PGPEP1: variants seen among roughly 807,000 people sequenced by gnomAD.
PGPEP1 encodes the protein pyroglutamyl-peptidase I, also known as pyroglutamyl-peptidase 1.
A neutral mutation model predicts 24.1 loss-of-function variants in PGPEP1; 15 were observed. The ratio of observed to expected loss-of-function variants is 0.62; its 90% CI spans 0.42 to 0.96. The LOEUF is 0.96. Among genes scored for constraint, PGPEP1 ranks in the 40% least tolerant of loss-of-function variants. The pLI is 0.00. For synonymous variants in PGPEP1, 122 were observed against 116.4 expected (o/e 1.05, Z -0.31); for missense variants, 242 against 273.4 (o/e 0.89, Z 0.81).
chr19:18,342,164 C>A (rs1358424874), intron 1 of PGPEP1, among the ~76,000 whole-genome samples: 1 of 152,186 alleles, frequency 6.6e-6, no homozygotes, highest in East Asian at 1.9e-4. Context: ...CCGCCTTGGC[C>A]TCCCAAAGTG....
chr19:18,362,807 G>A (rs1422873185), intron 4 of PGPEP1, among the ~76,000 whole-genome samples: 1 of 151,284 alleles, frequency 6.6e-6, no homozygotes, highest in African/African-American at 2.4e-5. Flanking sequence ...TAGGAGGATC[G>A]CTGGAGGCCA....
intron 2 of PGPEP1, among the ~76,000 whole-genome samples, chr19:18,347,912 A>C (rs1397087684): frequency 6.6e-6 from 1 of 152,120 alleles, no homozygotes; most frequent in East Asian, 1.9e-4. Flanking sequence ...GATTACAGGC[A>C]TGAGCCACCG....
Position 18,342,924 on chromosome 19 carries a change from C to G in PGPEP1, c.87+13C>G. ...GATTGCAGTTCAGGTAACTTAGATC[C>G]GGAGGGTGGGAGTCAGGCTTGGAGC... On this transcript the variant is annotated intron_variant, in intron 2 of 4. Transcript: ENST00000269919. 1 of 1,607,584 alleles carries G rather than the reference C, an allele frequency of 6.2e-7. No homozygotes were observed. The highest frequency in any genetic ancestry group is 8.5e-7 in the Non-Finnish European group (1 of 1,174,202).
intron 2 of PGPEP1, among the ~76,000 whole-genome samples, chr19:18,346,707 C>T (rs1281364305): frequency 7.6e-6 from 1 of 131,278 alleles, no homozygotes; most frequent in Non-Finnish European, 1.6e-5. Context: ...ATGGCACAAT[C>T]TCAGCTCACC....
chr19:18,360,312 T>C (rs1441166230), intron 4 of PGPEP1, among the ~76,000 whole-genome samples: 1 of 152,034 alleles, frequency 6.6e-6, no homozygotes, highest in African/African-American at 2.4e-5. Context: ...CTGAGTTCTT[T>C]TTAAAGCTAA....
At position 18,364,116 on chromosome 19, in the gene PGPEP1, C is replaced by CTTTCTTTCTTTCTTTT; in HGVS notation, c.*547_*548insTTTTTCTTTCTTTCTT. ...TCTTTCTTTCTTTCTTTCTTTCTTG[C>CTTTCTTTCTTTCTTTT]TTTCTTTCTTTCTTGCTTTCTTTCT... On this transcript the variant is annotated 3_prime_UTR_variant, in exon 5 of 5. Transcript: ENST00000269919. 1.9e-5 allele frequency: 2 copies of CTTTCTTTCTTTCTTTT among 106,472 alleles called. No individual in the cohort carries two copies. Among genetic ancestry groups the CTTTCTTTCTTTCTTTT allele is most frequent in the Admixed American group, 9.6e-5 (1 of 10,380 alleles). The allele number at this position is 106,472 out of a possible 1,614,324, so 6.6% of individuals were successfully genotyped here.
At position 18,347,102 on chromosome 19, in the gene PGPEP1, A is replaced by G. The variant is rs181887313; in HGVS notation, c.87+4191A>G. Among the ~76,000 whole-genome samples, 9 of 146,436 alleles carry G rather than the reference A, an allele frequency of 6.1e-5. No individual in the cohort carries two copies. The East Asian group carries it at 1.2e-3, about 20-fold the overall frequency. On this transcript the variant is annotated intron_variant, in intron 2 of 4. Coordinates refer to ENST00000269919, the MANE Select transcript of PGPEP1 (RefSeq NM_017712.4). ...GACAGGGTCTCACTCTGTCGTCCAGACTGGAGTGGAGTTCAATGGTCGATT... is the reference window on the plus strand; with the variant it reads ...GACAGGGTCTCACTCTGTCGTCCAGGCTGGAGTGGAGTTCAATGGTCGATT...
chr19:18,362,726 C>CAAAAA (rs71166506), intron 4 of PGPEP1, among the ~76,000 whole-genome samples: 1 of 85,866 alleles, frequency 1.2e-5, no homozygotes. Flanking sequence ...GACTCTGTCT[C>CAAAAA]AAAAAAAAAA....
At chr19:18,351,723 G>T (rs1478214359) in intron 2 of PGPEP1, among the ~76,000 whole-genome samples, 1 of 151,870 alleles carries the variant, frequency 6.6e-6, no homozygotes, top group South Asian at 2.1e-4. Context: ...TGGGAGGATC[G>T]CTTGAGTCTA....
At chr19:18,344,041 GT>G (rs1389516413) in intron 2 of PGPEP1, among the ~76,000 whole-genome samples, 2 of 152,032 alleles carry the variant, frequency 1.3e-5, no homozygotes, top group African/African-American at 4.8e-5. Flanking sequence ...CGTGACTCAG[GT>G]TGGTTTCTGA....
At chr19:18,361,030 C>G (rs1447533142) in intron 4 of PGPEP1, among the ~76,000 whole-genome samples, 1 of 151,444 alleles carries the variant, frequency 6.6e-6, no homozygotes, top group East Asian at 1.9e-4. Flanking sequence ...TGGGGTTTCA[C>G]CATGTTGCCC....
chr19:18,342,296 G>T (rs1970693001), intron 1 of PGPEP1, among the ~76,000 whole-genome samples: 1 of 152,122 alleles, frequency 6.6e-6, no homozygotes, highest in African/African-American at 2.4e-5. Context: ...CTCAGTCCCT[G>T]CTCCTGGAAA....
chr19:18,358,633 G>A (rs1225817867), intron 4 of PGPEP1, among the ~76,000 whole-genome samples: 3 of 148,254 alleles, frequency 2.0e-5, no homozygotes, highest in African/African-American at 7.4e-5. Context: ...TTTTTTTTTT[G>A]AGATGGAGTT....
At chr19:18,343,102 C>T (rs569884864) in intron 2 of PGPEP1, among the ~76,000 whole-genome samples, 191 bp downstream of exon 2, 6 of 151,896 alleles carry the variant, frequency 4.0e-5, no homozygotes, top group African/African-American at 1.2e-4. Context: ...TGGGTTTAAG[C>T]GATTCTCCCA....
rs1275689120 is a variant in PGPEP1 at position 18,367,568 on chromosome 19, A to G, written c.*3985A>G. 1 of 152,024 alleles carries G rather than the reference A, an allele frequency of 6.6e-6. No individual in the cohort carries two copies. The highest frequency in any genetic ancestry group is 1.5e-5 in the Non-Finnish European group (1 of 68,030). The allele number at this position is 152,024 out of a possible 1,614,324, so 9.4% of individuals were successfully genotyped here. A position where few individuals can be genotyped will look rare whatever the true frequency, so the allele number is the denominator to read the frequency against. ...CCCTAGCACCCCCTCCCCACCCCAA[A>G]GAAGGTCAGTTGCATGCGTGTGGGG... is the stretch of plus-strand genomic sequence containing the variant. On this transcript the variant is annotated 3_prime_UTR_variant, in exon 5 of 5. Transcript: ENST00000269919.
At chr19:18,344,710 C>T (rs561478493) in intron 2 of PGPEP1, among the ~76,000 whole-genome samples, 3 of 152,030 alleles carry the variant, frequency 2.0e-5, no homozygotes, top group Admixed American at 6.6e-5. Context: ...GAGAGCCAGA[C>T]AAAAAGAAAC....
intron 4 of PGPEP1, among the ~76,000 whole-genome samples, chr19:18,358,253 CTTTTTTTT>C (rs58979840): frequency 3.1e-5 from 2 of 64,480 alleles, no homozygotes; most frequent in East Asian, 4.6e-4. Flanking sequence ...TCCAGTATGA[CTTTTTTTT>C]TTTTTTTTTT....
rs1407739596 is a variant in PGPEP1, at chr19:18,356,095, C to A, written c.204+84C>A. The A allele has an allele frequency of 4.9e-6, 4 of 820,164 alleles. No homozygotes were observed. In the East Asian group the frequency reaches 7.6e-5, roughly 16 times the overall value. 50.8% of individuals were successfully genotyped at this position (820,164 alleles called of 1,614,324 possible). A position where few individuals can be genotyped will look rare whatever the true frequency, so the allele number is the denominator to read the frequency against. ...TGTGGAGGACTTAGGTGGCTTTGGT[C>A]CTGATCAGATCACGTGACCAATGCC... is the stretch of plus-strand genomic sequence containing the variant. On this transcript the variant is annotated intron_variant, in intron 3 of 4. Coordinates refer to ENST00000269919, the MANE Select transcript of PGPEP1 (RefSeq NM_017712.4).
rs570454910 is a variant in PGPEP1, at chr19:18,367,424, C to G, written c.*3841C>G. ...CCCTGATGAGTCCTCATGGAGGGTG[C>G]TGAGGCAGGGAACAGGGGTGCAGGG... On this transcript the variant is annotated 3_prime_UTR_variant, in exon 5 of 5. Transcript: ENST00000269919. 5.9e-5 allele frequency: 9 copies of G among 151,918 alleles called. No individual in the cohort carries two copies. Among genetic ancestry groups the G allele is most frequent in the African/African-American group, 2.2e-4 (9 of 41,378 alleles). 9.4% of individuals were successfully genotyped at this position (151,918 alleles called of 1,614,324 possible). A position where few individuals can be genotyped will look rare whatever the true frequency, so the allele number is the denominator to read the frequency against.
Sources: gnomAD v4.1 joint callset for allele counts (sites outside exome capture counted in the v4.1 genomes callset) on GRCh38, gnomAD v4.1.1 for gene constraint, MANE v1.5 for transcripts, NCBI Gene and HGNC (gene_info 2026-07-23, HGNC 2026-07-21) for gene names.